MAPT: variants seen among roughly 807,000 people sequenced by gnomAD.
MAPT encodes microtubule-associated protein tau.
A neutral mutation model predicts 67.9 loss-of-function variants in MAPT; 34 were observed. The ratio of observed to expected loss-of-function variants is 0.50; its 90% CI spans 0.38 to 0.67. The LOEUF (loss-of-function observed/expected upper bound fraction) is 0.67, where lower values mean the gene tolerates loss of function less well. MAPT is among the 30% of genes least tolerant of loss of function. MAPT has a pLI of 0.00. For synonymous variants in MAPT, 456 were observed against 464.5 expected (o/e 0.98, Z 0.23); for missense variants, 881 against 1,115.2 (o/e 0.79, Z 2.99).
At chr17:45,936,226 C>A (rs950388995) in intron 1 of MAPT, among the ~76,000 whole-genome samples, 3 of 152,204 alleles carry the variant, frequency 2.0e-5, no homozygotes, top group African/African-American at 7.2e-5. Context: ...TTTCCAGGTC[C>A]CTGGTGGGGG....
intron 1 of MAPT, among the ~76,000 whole-genome samples, chr17:45,960,011 A>G (rs765727943): frequency 2.0e-5 from 3 of 152,372 alleles, no homozygotes; most frequent in Non-Finnish European, 2.9e-5. Context: ...AGCAAGTAGC[A>G]TAATTGCAAC....
intron 6 of MAPT, among the ~76,000 whole-genome samples, chr17:45,987,845 T>TCTGTCA (rs2073714516): frequency 1.3e-5 from 2 of 152,086 alleles, no homozygotes; most frequent in South Asian, 4.1e-4. Flanking sequence ...CTGGCCTGGG[T>TCTGTCA]CTCTGAAGTG....
chr17:45,933,721 T>C (rs2067068897), intron 1 of MAPT, among the ~76,000 whole-genome samples: 1 of 152,178 alleles, frequency 6.6e-6, no homozygotes, highest in Non-Finnish European at 1.5e-5. Context: ...TGCCATTTGT[T>C]CAGGGAAGAT....
chr17:45,955,457 C>T (rs1331695933), intron 1 of MAPT, among the ~76,000 whole-genome samples: 2 of 152,224 alleles, frequency 1.3e-5, no homozygotes, highest in African/African-American at 2.4e-5. Flanking sequence ...CCAAATTCAC[C>T]GAGGGCACCT....
rs751731396 is a variant in MAPT, at chr17:45,996,492, C to A, written c.1826C>A (p.Thr609Asn). 3.1e-6 allele frequency: 5 copies of A among 1,613,080 alleles called. No homozygotes were observed. The highest frequency in any genetic ancestry group is 4.2e-6 in the Non-Finnish European group (5 of 1,179,556). ...GSRSRTPSLPTPPTREPKKVA... is the reference protein window; with the variant it reads ...GSRSRTPSLPNPPTREPKKVA... Reference sequence around the variant, plus strand: ...CGCTCCCGCACCCCGTCCCTTCCAACCCCACCCACCCGGGAGCCCAAGAAG... The same window carrying A: ...CGCTCCCGCACCCCGTCCCTTCCAAACCCACCCACCCGGGAGCCCAAGAAG... Residue 609 changes from threonine to asparagine, a missense_variant, in exon 9 of 13, where the codon ACC becomes AAC. By Grantham distance (65) the Thr-to-Asn change is moderately conservative. Around this residue, in one of 6 missense-constraint regions of MAPT, gnomAD observed 33 missense variants for 76.0 expected, o/e 0.43. Coordinates refer to ENST00000262410, the MANE Select transcript of MAPT (RefSeq NM_001377265.1). This position sits in a 1 kb window ranked among gnomAD's most constrained non-coding sequence, Gnocchi z 4.5.
chr17:45,970,607 G>C (rs2145445581), intron 2 of MAPT, among the ~76,000 whole-genome samples: 1 of 152,378 alleles, frequency 6.6e-6, no homozygotes, highest in African/African-American at 2.4e-5. Context: ...ATTCACTCAT[G>C]GGATTCTCCC....
chr17:45,993,205 C>T (rs1312284297), intron 8 of MAPT, among the ~76,000 whole-genome samples: 1 of 152,244 alleles, frequency 6.6e-6, no homozygotes, highest in Admixed American at 6.5e-5. Flanking sequence ...ATTTCTCGCA[C>T]ACATGCCGTG....
In MAPT at chr17:45,971,817, G is replaced by T; in HGVS notation, c.134-42G>T. 1.4e-6 allele frequency: 2 copies of T among 1,399,008 alleles called. No homozygotes were observed. Among genetic ancestry groups the T allele is most frequent in the Non-Finnish European group, 2.0e-6 (2 of 983,816 alleles). The allele number at this position is 1,399,008 out of a possible 1,614,324, so 86.7% of individuals were successfully genotyped here. A position where few individuals can be genotyped will look rare whatever the true frequency, so the allele number is the denominator to read the frequency against. ...CTCCTGAGAACAAAAGGGGGCGCTG[G>T]GGAGAGGCCACCGTTCTGAGGGCTC... On this transcript the variant is annotated intron_variant, in intron 2 of 12. Coordinates refer to ENST00000262410, the MANE Select transcript of MAPT (RefSeq NM_001377265.1). This position sits in a 1 kb window ranked among gnomAD's most constrained non-coding sequence, Gnocchi z 4.3.
intron 1 of MAPT, among the ~76,000 whole-genome samples, chr17:45,958,721 AAAAG>A (rs199738116): frequency 0.14 from 20,844 of 149,224 alleles, 1,988 homozygotes; most frequent in Non-Finnish European, 0.21. Flanking sequence ...ACCCTGACTT[AAAAG>A]AAAAAAAAAA....
rs182005802 is a variant in MAPT at position 45,915,808 on chromosome 17, G to T, written c.-18+21122G>T. The stretch of plus-strand genomic sequence containing the variant: ...ACCCTGTTCCCTGCATTTCCAATGA[G>T]ACCTCGGTGGACATGTTCCCTGAGG... On this transcript the variant is annotated intron_variant, in intron 1 of 12. Transcript: ENST00000262410. This position sits in a 1 kb window ranked among gnomAD's most constrained non-coding sequence, Gnocchi z 4.4. 2.0e-5 allele frequency among the ~76,000 whole-genome samples: 3 copies of T among 152,280 alleles called. No individual in the cohort carries two copies. The East Asian group carries it at 5.8e-4, about 29-fold the overall frequency.
At chr17:45,967,171 T>C (rs1295996770) in intron 2 of MAPT, among the ~76,000 whole-genome samples, 2 of 152,166 alleles carry the variant, frequency 1.3e-5, no homozygotes, top group African/African-American at 4.8e-5. Context: ...GAAAAGTAGA[T>C]GAAAGTTGGT....
intron 4 of MAPT, among the ~76,000 whole-genome samples, 152 bp from the exon 5 acceptor site, chr17:45,982,714 G>A (rs1224299254): frequency 6.6e-6 from 1 of 152,122 alleles, no homozygotes; most frequent in Non-Finnish European, 1.5e-5. Flanking sequence ...GCAAGCAAAG[G>A]CAACGAGACG....
Position 46,024,552 on chromosome 17 carries a change from G to A in MAPT, c.*381G>A, listed in dbSNP as rs990222457. The A allele has an allele frequency of 3.4e-5, 12 of 357,522 alleles. No homozygotes were observed. Among genetic ancestry groups the A allele is most frequent in the African/African-American group, 1.5e-4 (7 of 47,512 alleles). 22.1% of individuals were successfully genotyped at this position (357,522 alleles called of 1,614,324 possible). On this transcript the variant is annotated 3_prime_UTR_variant, in exon 13 of 13. Coordinates refer to ENST00000262410, the MANE Select transcript of MAPT (RefSeq NM_001377265.1). Reference sequence around the variant, plus strand: ...GCTTCTGGGGGATTTCAAGGGACTGGGGGTGCCAACCACCTCTGGCCCTGT... The same window carrying A: ...GCTTCTGGGGGATTTCAAGGGACTGAGGGTGCCAACCACCTCTGGCCCTGT...
chr17:45,928,902 T>C (rs1485394214), intron 1 of MAPT, among the ~76,000 whole-genome samples: 1 of 152,142 alleles, frequency 6.6e-6, no homozygotes, highest in Non-Finnish European at 1.5e-5. Context: ...TTCACCGTGT[T>C]AGCCAGGATG....
intron 6 of MAPT, among the ~76,000 whole-genome samples, chr17:45,987,564 G>A (rs1008133889): frequency 3.3e-5 from 5 of 152,346 alleles, no homozygotes; most frequent in South Asian, 4.1e-4. Context: ...AAATGCTCCC[G>A]TAATTGCACA....
chr17:46,017,678 C>CA (rs2076275282), intron 11 of MAPT, among the ~76,000 whole-genome samples: 1 of 148,686 alleles, frequency 6.7e-6, no homozygotes, highest in Admixed American at 6.7e-5. Flanking sequence ...AGACTGGTCT[C>CA]AAACTCCTGA....
intron 1 of MAPT, among the ~76,000 whole-genome samples, chr17:45,938,009 C>T (rs895502894): frequency 2.6e-5 from 4 of 152,188 alleles, no homozygotes; most frequent in African/African-American, 4.8e-5. Flanking sequence ...ACAGCAGGTG[C>T]GCCATCCAGG....
rs60683636 is a variant in MAPT at position 45,965,726 on chromosome 17, C to CA, written c.133+3269dup. Among the ~76,000 whole-genome samples the CA allele has an allele frequency of 5.1e-3, 761 of 147,996 alleles. 7 individuals carry two copies. Among genetic ancestry groups the CA allele is most frequent in the African/African-American group, 0.015 (606 of 40,504 alleles). ...CCACCGTGCCCAGTCAACTCCTTCTCAAAAAAAAAAAAATAGTGCTGCTTT... is the reference window on the plus strand; with the variant it reads ...CCACCGTGCCCAGTCAACTCCTTCTCAAAAAAAAAAAAAATAGTGCTGCTTT... On this transcript the variant is annotated intron_variant, in intron 2 of 12. Coordinates refer to ENST00000262410, the MANE Select transcript of MAPT (RefSeq NM_001377265.1).
Position 45,904,045 on chromosome 17 carries a change from A to ATATATAT in MAPT, c.-18+9382_-18+9388dup, listed in dbSNP as rs1178386877. Among the ~76,000 whole-genome samples the ATATATAT allele has an allele frequency of 5.3e-4, 8 of 15,098 alleles. 1 individual carries two copies. Among genetic ancestry groups the ATATATAT allele is most frequent in the Admixed American group, 1.3e-3 (1 of 758 alleles). The allele number at this position is 15,098 out of a possible 152,430, so 9.9% of individuals were successfully genotyped here. On this transcript the variant is annotated intron_variant, in intron 1 of 12. Transcript: ENST00000262410. ...TTATATATTTATATATTATATATTT[A>ATATATAT]TATATATTATATATTATATATTATA...
Sources: gnomAD v4.1 joint callset for allele counts (sites outside exome capture counted in the v4.1 genomes callset) on GRCh38, gnomAD v4.1.1 for gene constraint, gnomAD v4.1.1 regional missense constraint, Gnocchi (gnomAD v3.1) non-coding constraint, MANE v1.5 for transcripts, NCBI Gene and HGNC (gene_info 2026-07-23, HGNC 2026-07-21) for gene names.